Variants in LMX1B observed in about 807,000 individuals in gnomAD.
The protein encoded by LMX1B is LIM homeobox transcription factor 1 beta.
A neutral mutation model predicts 51.4 loss-of-function variants in LMX1B; 12 were observed. That is an observed-to-expected ratio of 0.23 (90% confidence interval 0.15 to 0.38). The LOEUF (loss-of-function observed/expected upper bound fraction) is 0.38, where lower values mean the gene tolerates loss of function less well. Among genes scored for constraint, LMX1B ranks in the 10% least tolerant of loss-of-function variants. The pLI, the probability that LMX1B is intolerant of heterozygous loss-of-function variation, is 1.00. For missense variants in LMX1B, 445 were observed against 571.1 expected, an observed-to-expected ratio of 0.78 and a Z score of 2.25; for synonymous variants, 237 against 235.4, an observed-to-expected ratio of 1.01 and a Z score of -0.06.
chr9:126,674,657 C>T (rs1029199797), intron 2 of LMX1B, among the ~76,000 whole-genome samples: 1 of 152,202 alleles, frequency 6.6e-6, no homozygotes, highest in Non-Finnish European at 1.5e-5. Flanking sequence ...CTCCCCCATC[C>T]ACGTCCACCA....
At position 126,615,742 on chromosome 9, in the gene LMX1B, CCAGCG is replaced by C. The variant is rs1835292275; in HGVS notation, c.326+174_326+178del. ...TGGGGCTGGGGCGGACCAGCCCAGC[CCAGCG>C]GGCACTGATGGGGTCCTGGGAGCCT... On this transcript the variant is annotated intron_variant, in intron 2 of 7. Transcript: ENST00000373474. This position sits in a 1 kb window ranked among gnomAD's most constrained non-coding sequence, Gnocchi z 6.0. 3.9e-5 allele frequency among the ~76,000 whole-genome samples: 6 copies of C among 152,136 alleles called. No homozygotes were observed. The South Asian group carries it at 1.2e-3, about 32-fold the overall frequency.
rs1182180221 is a variant in LMX1B at position 126,615,648 on chromosome 9, C to T, written c.326+79C>T. 8 of 1,351,602 alleles carry T rather than the reference C, an allele frequency of 5.9e-6. No homozygotes were observed. The Admixed American group carries it at 1.3e-4, about 21-fold the overall frequency. The allele number at this position is 1,351,602 out of a possible 1,614,324, so 83.7% of individuals were successfully genotyped here. A position where few individuals can be genotyped will look rare whatever the true frequency, so the allele number is the denominator to read the frequency against. ...AGCCCCCTGCCGGGCCCGGCCCGCGCCCGCTCTGCCGCCGGCTCTGTGCGC... is the reference window on the plus strand; with the variant it reads ...AGCCCCCTGCCGGGCCCGGCCCGCGTCCGCTCTGCCGCCGGCTCTGTGCGC... On this transcript the variant is annotated intron_variant, in intron 2 of 7. Transcript: ENST00000373474. The surrounding 1 kb of genome is among the most constrained non-coding windows in gnomAD (Gnocchi z 6.0).
chr9:126,696,234 CAG>C lies in LMX1B; in HGVS notation c.1052-59_1052-58del, dbSNP rs978215432. The stretch of plus-strand genomic sequence containing the variant: ...CCAGTCACACAGCCTACAGGGCAAA[CAG>C]GGGGCCCCCAGGAGCCCCAGCCTGT... On this transcript the variant is annotated intron_variant, in intron 7 of 7. Coordinates refer to ENST00000373474, the MANE Select transcript of LMX1B (RefSeq NM_001174147.2). 97 of 1,537,624 alleles carry C rather than the reference CAG, an allele frequency of 6.3e-5. 1 individual carries two copies. In the Middle Eastern group the frequency reaches 1.0e-3, roughly 16 times the overall value.
chr9:126,685,045 C>A (rs969830819), intron 2 of LMX1B, among the ~76,000 whole-genome samples: 2 of 152,148 alleles, frequency 1.3e-5, no homozygotes, highest in African/African-American at 4.8e-5. Flanking sequence ...CTCCTCCATG[C>A]CAGTAAATTA....
chr9:126,694,653 C>G (rs1391527382), intron 6 of LMX1B, among the ~76,000 whole-genome samples: 2 of 152,308 alleles, frequency 1.3e-5, no homozygotes, highest in East Asian at 3.9e-4. Flanking sequence ...GGGCAGGTGC[C>G]AGGGCACCAA....
rs891421713 is a variant in LMX1B at position 126,618,528 on chromosome 9, C to G, written c.326+2959C>G. 2.0e-5 allele frequency among the ~76,000 whole-genome samples: 3 copies of G among 152,062 alleles called. No individual in the cohort carries two copies. Among genetic ancestry groups the G allele is most frequent in the Non-Finnish European group, 4.4e-5 (3 of 68,012 alleles). Reference sequence around the variant, plus strand: ...CCCCATGTGTGAGTTTTGGGGGCTCCTTCAAAAAAAAGAAAAAGCAGCCTT... The same window carrying G: ...CCCCATGTGTGAGTTTTGGGGGCTCGTTCAAAAAAAAGAAAAAGCAGCCTT... On this transcript the variant is annotated intron_variant, in intron 2 of 7. Coordinates refer to ENST00000373474, the MANE Select transcript of LMX1B (RefSeq NM_001174147.2). The surrounding 1 kb of genome is among the most constrained non-coding windows in gnomAD (Gnocchi z 4.5).
chr9:126,669,476 G>A (rs1157103845), intron 2 of LMX1B, among the ~76,000 whole-genome samples: 2 of 152,180 alleles, frequency 1.3e-5, no homozygotes, highest in Admixed American at 6.5e-5. Context: ...GTGTGTTCAC[G>A]TGTGTCTGGG....
intron 6 of LMX1B, among the ~76,000 whole-genome samples, chr9:126,694,456 G>T (rs1017136622): frequency 3.9e-5 from 6 of 152,234 alleles, no homozygotes; most frequent in Non-Finnish European, 7.3e-5. Flanking sequence ...GGGACTAGCT[G>T]CAGGGGCATG....
Position 126,618,525 on chromosome 9 carries a change from C to T in LMX1B, c.326+2956C>T, listed in dbSNP as rs1284412312. On this transcript the variant is annotated intron_variant, in intron 2 of 7. Coordinates refer to ENST00000373474, the MANE Select transcript of LMX1B (RefSeq NM_001174147.2). The surrounding 1 kb of genome is among the most constrained non-coding windows in gnomAD (Gnocchi z 4.5). ...TTTCCCCATGTGTGAGTTTTGGGGG[C>T]TCCTTCAAAAAAAAGAAAAAGCAGC... Among the ~76,000 whole-genome samples, 1 of 152,008 alleles carries T rather than the reference C, an allele frequency of 6.6e-6. No homozygotes were observed. The highest frequency in any genetic ancestry group is 1.5e-5 in the Non-Finnish European group (1 of 68,000).
intron 2 of LMX1B, among the ~76,000 whole-genome samples, chr9:126,630,078 C>T (rs979332105): frequency 1.7e-4 from 25 of 144,656 alleles, no homozygotes; most frequent in Non-Finnish European, 3.1e-4. Context: ...AGGAGAATGG[C>T]GTGAACCCGG....
In LMX1B at chr9:126,691,171, C is replaced by G. The variant is rs552948037; in HGVS notation, c.559+103C>G. Reference sequence around the variant, plus strand: ...AGAAGCCACCTCCTGCTTCCAGGACCTGAGCTGCACACAGATGGTACATGC... The same window carrying G: ...AGAAGCCACCTCCTGCTTCCAGGACGTGAGCTGCACACAGATGGTACATGC... On this transcript the variant is annotated intron_variant, in intron 3 of 7. Coordinates refer to ENST00000373474, the MANE Select transcript of LMX1B (RefSeq NM_001174147.2). 7.6e-6 allele frequency: 6 copies of G among 792,382 alleles called. No individual in the cohort carries two copies. In the African/African-American group the frequency reaches 1.0e-4, roughly 14 times the overall value. 49.1% of individuals were successfully genotyped at this position (792,382 alleles called of 1,614,324 possible).
intron 2 of LMX1B, among the ~76,000 whole-genome samples, chr9:126,637,776 C>T (rs1041904473): frequency 2.7e-5 from 4 of 149,740 alleles, no homozygotes; most frequent in South Asian, 2.1e-4. Context: ...CAGGGGAGGG[C>T]GGGGTGATGA....
chr9:126,696,131 C>T (rs2030322945), intron 7 of LMX1B, 128 bp downstream of exon 7: 1 of 1,161,892 alleles, frequency 8.6e-7, no homozygotes, highest in Admixed American at 1.9e-5. Flanking sequence ...CACAGCCCTC[C>T]TGCCCCTGCT....
At position 126,620,788 on chromosome 9, in the gene LMX1B, G is replaced by A. The variant is rs1192253447; in HGVS notation, c.326+5219G>A. 3.3e-5 allele frequency among the ~76,000 whole-genome samples: 5 copies of A among 152,320 alleles called. No individual in the cohort carries two copies. In the South Asian group the frequency reaches 1.0e-3, roughly 32 times the overall value. On this transcript the variant is annotated intron_variant, in intron 2 of 7. Transcript: ENST00000373474. ...CACCGGGAAACAATTGGCATCTCCA[G>A]GGCCTCCATATAGCTTGGAAAAGCT...
chr9:126,666,322 G>T (rs888318954), intron 2 of LMX1B, among the ~76,000 whole-genome samples: 2 of 152,232 alleles, frequency 1.3e-5, no homozygotes, highest in African/African-American at 2.4e-5. Flanking sequence ...GCAGGCCCAG[G>T]AGAGGGGACA....
chr9:126,632,130 G>C (rs750202111), intron 2 of LMX1B, among the ~76,000 whole-genome samples: 1 of 152,190 alleles, frequency 6.6e-6, no homozygotes, highest in South Asian at 2.1e-4. Flanking sequence ...CAAAATGCAC[G>C]TAAAGAACCT....
chr9:126,662,756 C>T (rs1255020332), intron 2 of LMX1B, among the ~76,000 whole-genome samples: 2 of 152,200 alleles, frequency 1.3e-5, no homozygotes, highest in South Asian at 2.1e-4. Context: ...CCCACGAGAG[C>T]GGCCACCGCT....
intron 2 of LMX1B, among the ~76,000 whole-genome samples, chr9:126,663,202 G>A (rs987507423): frequency 6.8e-5 from 7 of 102,420 alleles, no homozygotes; most frequent in South Asian, 3.2e-4. Flanking sequence ...TGAGGCGGGC[G>A]GATCACTTGA....
In LMX1B at chr9:126,696,017, C is replaced by CCGGCG; in HGVS notation, c.1051+15_1051+16insGGCGC. ...TGAACCCCTATGGTAAGCCGCCCTA[C>CCGGCG]CCCCACCCGCCCGCCCCAGCACAGC... On this transcript the variant is annotated intron_variant, in intron 7 of 7. Transcript: ENST00000373474. 6.7e-7 allele frequency: 1 copy of CCGGCG among 1,497,334 alleles called. No individual in the cohort carries two copies. The highest frequency in any genetic ancestry group is 8.9e-7 in the Non-Finnish European group (1 of 1,122,902). The allele number at this position is 1,497,334 out of a possible 1,614,324, so 92.8% of individuals were successfully genotyped here.
Sources: gnomAD v4.1 joint callset for allele counts (sites outside exome capture counted in the v4.1 genomes callset) on GRCh38, gnomAD v4.1.1 for gene constraint, Gnocchi (gnomAD v3.1) non-coding constraint, MANE v1.5 for transcripts, NCBI Gene and HGNC (gene_info 2026-07-23, HGNC 2026-07-21) for gene names.